ABCG1: variants seen among roughly 807,000 people sequenced by gnomAD.
ABCG1 encodes ATP-binding cassette sub-family G member 1.
In ABCG1, 29 loss-of-function variants were observed where a neutral mutation model predicts 69.2. That is an observed-to-expected ratio of 0.42 (90% CI 0.31 to 0.57). The LOEUF (loss-of-function observed/expected upper bound fraction) is 0.57. Ranked by LOEUF, ABCG1 falls within the 20% of genes least tolerant of loss-of-function variation. The pLI, the probability that ABCG1 is intolerant of heterozygous loss-of-function variation, is 0.15. For synonymous variants in ABCG1, 370 were observed against 374.8 expected (o/e 0.99, Z 0.15); for missense variants, 718 against 898.1 (o/e 0.80, Z 2.56).
chr21:42,222,099 G>C (rs1188810278), intron 1 of ABCG1, among the ~76,000 whole-genome samples: 1 of 152,202 alleles, frequency 6.6e-6, no homozygotes, highest in South Asian at 2.1e-4. Flanking sequence ...GGCCCGGTGC[G>C]GGGGTGGGGG....
chr21:42,258,623 C>G (rs1009048850), intron 2 of ABCG1, among the ~76,000 whole-genome samples: 2 of 151,996 alleles, frequency 1.3e-5, no homozygotes, highest in Non-Finnish European at 2.9e-5. Context: ...TCCATCCACT[C>G]TATCAGCCTC....
In ABCG1 at chr21:42,272,721, G is replaced by A. The variant is rs562347894; in HGVS notation, c.405-582G>A. Among the ~76,000 whole-genome samples, 14 of 152,324 alleles carry A rather than the reference G, an allele frequency of 9.2e-5. No homozygotes were observed. The South Asian group carries it at 2.3e-3, about 25-fold the overall frequency. On this transcript the variant is annotated intron_variant, in intron 3 of 14. Transcript: ENST00000398449. ...GTGAATGAGTGTGCCTGGTGAGGCC[G>A]TGCCTGCCTTGCATGAGCACCTGGG...
Position 42,296,246 on chromosome 21 carries a change from T to C in ABCG1, c.1855T>C (p.Phe619Leu). The change falls in exon 15 of 15, where the codon TTC becomes CTC. Residue 619 changes from phenylalanine to leucine, a missense_variant. Physicochemically the swap from Phe to Leu is conservative, Grantham distance 22. This residue lies in a region of ABCG1 where 204 missense variants were observed against 323.8 expected (regional missense o/e 0.63). Coordinates refer to ENST00000398449, the MANE Select transcript of ABCG1 (RefSeq NM_016818.3). This position sits in a 1 kb window ranked among gnomAD's most constrained non-coding sequence, Gnocchi z 5.4. ...CTGTGACATCGACGAGACGTGCCAC[T>C]TCCAGAAGTCGGAGGCCATCCTGCG... Reference protein sequence around the residue: ...LHCDIDETCHFQKSEAILREL... With the variant: ...LHCDIDETCHLQKSEAILREL... 1 of 1,614,148 alleles carries C rather than the reference T, an allele frequency of 6.2e-7. No individual in the cohort carries two copies. The highest frequency in any genetic ancestry group is 8.5e-7 in the Non-Finnish European group (1 of 1,180,018).
chr21:42,285,012 G>A (rs1262981563), intron 7 of ABCG1, among the ~76,000 whole-genome samples: 6 of 152,214 alleles, frequency 3.9e-5, no homozygotes, highest in Non-Finnish European at 7.4e-5. Context: ...CACAGGCAGC[G>A]AAGGGGGCTG....
chr21:42,255,360 T>C (rs1008393796), intron 2 of ABCG1, among the ~76,000 whole-genome samples: 2 of 152,224 alleles, frequency 1.3e-5, no homozygotes, highest in African/African-American at 4.8e-5. Context: ...ATGGTGTGTG[T>C]GCACATGATG....
At position 42,282,322 on chromosome 21, in the gene ABCG1, C is replaced by T. The variant is rs368970394; in HGVS notation, c.637C>T (p.Arg213Trp). 1.4e-5 allele frequency: 23 copies of T among 1,613,226 alleles called. No individual in the cohort carries two copies. The highest frequency in any genetic ancestry group is 5.5e-5 in the South Asian group (5 of 91,058). ...GGGCTTGCTGTCTTGCGCCAACACG[C>T]GGACCGGGAGCCTGTCAGGTGGTCA... ...ALGLLSCANT[R>W]TGSLSGGQRK... Residue 213 changes from arginine to tryptophan, a missense_variant, in exon 6 of 15, where the codon CGG becomes TGG. Arg to Trp is a moderately radical substitution (Grantham distance 101). Transcript: ENST00000398449.
At chr21:42,259,518 AGGCT>A in intron 2 of ABCG1, 5 of 1,540,262 alleles carry the variant, frequency 3.2e-6, no homozygotes, top group Non-Finnish European at 4.4e-6. Flanking sequence ...GCATTGACTG[AGGCT>A]GGCTGGCTGG....
In ABCG1 at chr21:42,276,796, T is replaced by A; in HGVS notation, c.538-99T>A. On this transcript the variant is annotated intron_variant, in intron 4 of 14. Coordinates refer to ENST00000398449, the MANE Select transcript of ABCG1 (RefSeq NM_016818.3). The surrounding 1 kb of genome is among the most constrained non-coding windows in gnomAD (Gnocchi z 5.3). ...GCTAGTGGCACTGTGGCTAGCTGCA[T>A]CTTGGCTAGCTGCACCGTGGCCTGC... The A allele has an allele frequency of 8.0e-7, 1 of 1,244,562 alleles. No individual in the cohort carries two copies. Among genetic ancestry groups the A allele is most frequent in the Non-Finnish European group, 1.2e-6 (1 of 856,648 alleles). 77.1% of individuals were successfully genotyped at this position (1,244,562 alleles called of 1,614,324 possible).
chr21:42,246,189 G>A (rs1359811423), intron 2 of ABCG1, among the ~76,000 whole-genome samples: 1 of 152,146 alleles, frequency 6.6e-6, no homozygotes, highest in African/African-American at 2.4e-5. Flanking sequence ...TGCAGTGACT[G>A]AATTCGCCAT....
chr21:42,218,505 G>A (rs1351476098), upstream of ABCG1, among the ~76,000 whole-genome samples: 2 of 152,174 alleles, frequency 1.3e-5, no homozygotes, highest in African/African-American at 4.8e-5. Context: ...ACAGAGGGCA[G>A]AGGCCTGGGC....
intron 2 of ABCG1, among the ~76,000 whole-genome samples, chr21:42,263,980 T>C (rs1301981751): frequency 6.6e-6 from 1 of 152,186 alleles, no homozygotes; most frequent in Non-Finnish European, 1.5e-5. Context: ...CAGGCTCCAT[T>C]CCAGGTTCGC....
At chr21:42,251,538 T>G (rs1192274672) in intron 2 of ABCG1, among the ~76,000 whole-genome samples, 1 of 118,630 alleles carries the variant, frequency 8.4e-6, no homozygotes, top group Non-Finnish European at 1.9e-5. Flanking sequence ...AGGACAAGGT[T>G]GGGATGATAG....
intron 2 of ABCG1, among the ~76,000 whole-genome samples, chr21:42,206,081 A>T (rs2067540394): frequency 6.6e-6 from 1 of 152,188 alleles, no homozygotes; most frequent in South Asian, 2.1e-4. Flanking sequence ...GTCTGGTGCC[A>T]GCCATGGTGA....
At chr21:42,213,232 G>T (rs2067606765), upstream of ABCG1, among the ~76,000 whole-genome samples, 1 of 152,268 alleles carries the variant, frequency 6.6e-6, no homozygotes, top group African/African-American at 2.4e-5. Context: ...GGCCCAGGGT[G>T]CCGAGGTCTG....
chr21:42,237,701 G>C (rs1328568861), intron 2 of ABCG1, among the ~76,000 whole-genome samples: 1 of 152,248 alleles, frequency 6.6e-6, no homozygotes, highest in African/African-American at 2.4e-5. Flanking sequence ...GAGAAGTAGA[G>C]AGGAAAACCA....
At chr21:42,218,247 C>A (rs538099034), upstream of ABCG1, among the ~76,000 whole-genome samples, 35 of 152,306 alleles carry the variant, frequency 2.3e-4, 1 homozygote, top group South Asian at 7.0e-3. Flanking sequence ...TCCCAACATG[C>A]AAACAACTGA....
chr21:42,274,159 G>A (rs1164524974), intron 4 of ABCG1, among the ~76,000 whole-genome samples: 1 of 152,204 alleles, frequency 6.6e-6, no homozygotes, highest in Admixed American at 6.5e-5. Flanking sequence ...TCATCTGCAA[G>A]ACCGTATGGG....
intron 2 of ABCG1, among the ~76,000 whole-genome samples, chr21:42,239,408 T>C (rs2068019380): frequency 6.6e-6 from 1 of 152,264 alleles, no homozygotes; most frequent in Non-Finnish European, 1.5e-5. Context: ...CAAAGCCTTT[T>C]AGTTCTCATT....
chr21:42,258,735 C>T (rs968459277), intron 2 of ABCG1, among the ~76,000 whole-genome samples: 5 of 152,152 alleles, frequency 3.3e-5, no homozygotes, highest in Non-Finnish European at 5.9e-5. Flanking sequence ...GGGAGTAGGG[C>T]GCCTGCTGGC....
Sources: gnomAD v4.1 joint callset for allele counts (sites outside exome capture counted in the v4.1 genomes callset) on GRCh38, gnomAD v4.1.1 for gene constraint, gnomAD v4.1.1 regional missense constraint, Gnocchi (gnomAD v3.1) non-coding constraint, MANE v1.5 for transcripts, NCBI Gene and HGNC (gene_info 2026-07-23, HGNC 2026-07-21) for gene names.